Variants in FRMD3 observed in about 807,000 individuals in gnomAD.
The protein encoded by FRMD3 is FERM domain-containing protein 3.
In FRMD3, 33 loss-of-function variants were observed where a neutral mutation model predicts 70.2. The observed-to-expected ratio is 0.47, with a 90% confidence interval of 0.36 to 0.63. The LOEUF (loss-of-function observed/expected upper bound fraction) is 0.63, where lower values mean the gene tolerates loss of function less well. Ranked by LOEUF, FRMD3 falls within the 20% of genes least tolerant of loss-of-function variation. The pLI, the probability that FRMD3 is intolerant of heterozygous loss-of-function variation, is 0.00. For missense variants in FRMD3, 632 were observed against 711.4 expected, an observed-to-expected ratio of 0.89 and a Z score of 1.27; for synonymous variants, 279 against 255.9, an observed-to-expected ratio of 1.09 and a Z score of -0.86.
intron 3 of FRMD3, among the ~76,000 whole-genome samples, chr9:83,367,747 A>C (rs554807039): frequency 6.6e-6 from 1 of 152,294 alleles, no homozygotes; most frequent in Non-Finnish European, 1.5e-5. Flanking sequence ...TTATAATACT[A>C]CTCAAGTTAT....
At chr9:83,322,949 C>T (rs1370875888) in intron 6 of FRMD3, among the ~76,000 whole-genome samples, 1 of 152,196 alleles carries the variant, frequency 6.6e-6, no homozygotes, top group Non-Finnish European at 1.5e-5. Flanking sequence ...CAGCTATGTT[C>T]TATGCTATCA....
At chr9:83,395,345 T>G (rs1236429110) in intron 1 of FRMD3, among the ~76,000 whole-genome samples, 1 of 152,030 alleles carries the variant, frequency 6.6e-6, no homozygotes, top group Non-Finnish European at 1.5e-5. Context: ...TGAGTTTTAT[T>G]TTACGTTCAT....
At chr9:83,515,326 A>G (rs144251619) in intron 1 of FRMD3, among the ~76,000 whole-genome samples, 1 of 152,306 alleles carries the variant, frequency 6.6e-6, no homozygotes, top group Admixed American at 6.5e-5. Context: ...TGAAGCATAC[A>G]CGAGAATCAA....
chr9:83,450,202 C>T (rs887204516), intron 1 of FRMD3, among the ~76,000 whole-genome samples: 1 of 126,410 alleles, frequency 7.9e-6, no homozygotes, highest in African/African-American at 3.3e-5. Context: ...TGTGTGTGCA[C>T]CCGTGCGCGC....
chr9:83,300,342 G>A (rs1834862013), intron 10 of FRMD3, among the ~76,000 whole-genome samples: 1 of 152,222 alleles, frequency 6.6e-6, no homozygotes, highest in Non-Finnish European at 1.5e-5. Context: ...CGGTGCAAGT[G>A]GTGGTGGATA....
intron 1 of FRMD3, among the ~76,000 whole-genome samples, chr9:83,530,749 C>T (rs952101642): frequency 4.6e-5 from 7 of 152,004 alleles, no homozygotes; most frequent in African/African-American, 1.5e-4. Flanking sequence ...ACAGGGACTT[C>T]CAGGATTCCC....
At chr9:83,305,915 T>C (rs1236643187) in intron 10 of FRMD3, among the ~76,000 whole-genome samples, 1 of 152,210 alleles carries the variant, frequency 6.6e-6, no homozygotes, top group Non-Finnish European at 1.5e-5. Flanking sequence ...AAGGGACTTC[T>C]CTGACATGCC....
chr9:83,398,022 A>C (rs771350906), intron 1 of FRMD3, among the ~76,000 whole-genome samples: 6 of 152,190 alleles, frequency 3.9e-5, no homozygotes, highest in Non-Finnish European at 8.8e-5. Context: ...TGGTGAACTA[A>C]ATAGTTCTGC....
chr9:83,524,359 G>A (rs557286354), intron 1 of FRMD3, among the ~76,000 whole-genome samples: 2 of 152,284 alleles, frequency 1.3e-5, no homozygotes, highest in South Asian at 4.1e-4. Context: ...TATGTTAGAT[G>A]ACAAAATACT....
At chr9:83,343,110 G>A (rs558238610) in intron 5 of FRMD3, 80 bp downstream of exon 5, 7 of 1,009,064 alleles carry the variant, frequency 6.9e-6, no homozygotes, top group African/African-American at 3.2e-5. Context: ...GGATGGCCAC[G>A]GGTGGGAGAG....
At chr9:83,371,291 A>G (rs1211849064) in intron 3 of FRMD3, among the ~76,000 whole-genome samples, 1 of 151,458 alleles carries the variant, frequency 6.6e-6, no homozygotes, top group Non-Finnish European at 1.5e-5. Context: ...ATATCATACT[A>G]TATAGCCTCC....
the FRMD3 span, among the ~76,000 whole-genome samples, chr9:83,568,947 G>C: frequency 6.0e-3 from 616 of 103,128 alleles, 2 homozygotes; most frequent in African/African-American, 0.012. Flanking sequence ...TAGATAGATA[G>C]ATAGATAGAT....
chr9:83,561,948 T>G, the FRMD3 span, among the ~76,000 whole-genome samples: 2 of 152,204 alleles, frequency 1.3e-5, no homozygotes. Context: ...CCTCCTCCAG[T>G]GCCAGAAGCT....
chr9:83,283,543 A>T (rs28478887), intron 13 of FRMD3, among the ~76,000 whole-genome samples: 3,205 of 44,088 alleles, frequency 0.073, 111 homozygotes, highest in African/African-American at 0.19. Context: ...AAAAAAAAAA[A>T]AAAAATAATA....
chr9:83,331,972 AG>A (rs1205723434), intron 6 of FRMD3: 3 of 698,610 alleles, frequency 4.3e-6, no homozygotes, highest in Non-Finnish European at 8.0e-6. Context: ...ATGACCTTCC[AG>A]GGCTCTTTTC....
chr9:83,490,763 T>TTCTCTC (rs67058664), intron 1 of FRMD3, among the ~76,000 whole-genome samples: 20 of 129,278 alleles, frequency 1.5e-4, no homozygotes, highest in South Asian at 3.0e-4. Flanking sequence ...TTTTACTCTC[T>TTCTCTC]TCTCTCTCTC....
chr9:83,525,609 C>T (rs1010171883), intron 1 of FRMD3, among the ~76,000 whole-genome samples: 2 of 152,164 alleles, frequency 1.3e-5, no homozygotes, highest in Non-Finnish European at 2.9e-5. Flanking sequence ...GACACTGTCT[C>T]AAAGGGCAAC....
intron 13 of FRMD3, among the ~76,000 whole-genome samples, chr9:83,274,904 A>T (rs1260782789): frequency 6.6e-6 from 1 of 152,196 alleles, no homozygotes; most frequent in East Asian, 1.9e-4. Flanking sequence ...GATAGAATTC[A>T]TAGGACTCTG....
At chr9:83,420,190 G>A (rs1587836067) in intron 1 of FRMD3, among the ~76,000 whole-genome samples, 1 of 152,304 alleles carries the variant, frequency 6.6e-6, no homozygotes, top group East Asian at 1.9e-4. Context: ...CGGGATTCTA[G>A]CAGGCAGATG....
Sources: allele counts gnomAD v4.1 joint callset (sites outside exome capture counted in the v4.1 genomes callset), GRCh38; gene constraint gnomAD v4.1.1; transcripts MANE v1.5; gene names NCBI Gene and HGNC (gene_info 2026-07-23, HGNC 2026-07-21).